XKR9: variants seen among roughly 807,000 people sequenced by gnomAD.
The protein encoded by XKR9 is XK-related protein 9.
A neutral mutation model predicts 32.0 loss-of-function variants in XKR9; 32 were observed. The ratio of observed to expected loss-of-function variants is 1.00; its 90% CI spans 0.76 to 1.34. The LOEUF is 1.34. Ranked by LOEUF, XKR9 falls within the 40% of genes most tolerant of loss-of-function variation. The pLI is 0.00. For synonymous variants in XKR9, 168 were observed against 143.4 expected, an observed-to-expected ratio of 1.17 and a Z score of -1.22; for missense variants, 546 against 429.7, an observed-to-expected ratio of 1.27 and a Z score of -2.39.
the XKR9 span, among the ~76,000 whole-genome samples, chr8:70,929,835 G>A: frequency 6.6e-6 from 1 of 152,136 alleles, no homozygotes; most frequent in Non-Finnish European, 1.5e-5. Flanking sequence ...GGCCCACCCA[G>A]TTAATCTCAA....
chr8:70,931,955 A>G, the XKR9 span, among the ~76,000 whole-genome samples: 1 of 152,162 alleles, frequency 6.6e-6, no homozygotes, highest in African/African-American at 2.4e-5. Flanking sequence ...TGGAGGAGAC[A>G]TACATCCTAA....
the XKR9 span, among the ~76,000 whole-genome samples, chr8:71,019,514 T>C: frequency 6.6e-6 from 1 of 152,210 alleles, no homozygotes; most frequent in Non-Finnish European, 1.5e-5. Context: ...TAGCTGCCTC[T>C]CTGTGCTGGG....
At chr8:71,064,488 T>C in the XKR9 span, among the ~76,000 whole-genome samples, 1 of 152,360 alleles carries the variant, frequency 6.6e-6, no homozygotes, top group Non-Finnish European at 1.5e-5. Flanking sequence ...AAAATATTGA[T>C]ACCACGTATG....
chr8:70,950,907 C>T, the XKR9 span, among the ~76,000 whole-genome samples: 2 of 152,106 alleles, frequency 1.3e-5, no homozygotes, highest in East Asian at 1.9e-4. Context: ...CTCCTGACCT[C>T]GAGTGATCTG....
the XKR9 span, among the ~76,000 whole-genome samples, chr8:70,901,912 C>T: frequency 5.3e-4 from 81 of 152,176 alleles, 1 homozygote; most frequent in Middle Eastern, 3.4e-3. Flanking sequence ...TTATTAAATA[C>T]GGAATCCTTT....
At chr8:70,972,771 A>C in the XKR9 span, among the ~76,000 whole-genome samples, 9 of 152,020 alleles carry the variant, frequency 5.9e-5, no homozygotes, top group Non-Finnish European at 1.3e-4. Flanking sequence ...ACATTTATTG[A>C]CTTATGAGTG....
chr8:71,024,227 AG>A, the XKR9 span, among the ~76,000 whole-genome samples: 7 of 152,318 alleles, frequency 4.6e-5, no homozygotes, highest in South Asian at 1.5e-3. Flanking sequence ...GAGCAGGGGC[AG>A]GGTTTCTGTC....
chr8:70,982,816 C>T, the XKR9 span, among the ~76,000 whole-genome samples: 21 of 152,294 alleles, frequency 1.4e-4, no homozygotes, highest in African/African-American at 4.8e-4. Flanking sequence ...CTAGTCCTGC[C>T]TCCTATCTGC....
the XKR9 span, among the ~76,000 whole-genome samples, chr8:70,885,672 C>T: frequency 6.6e-6 from 1 of 152,112 alleles, no homozygotes; most frequent in Non-Finnish European, 1.5e-5. Context: ...TCTCAGCTCA[C>T]TGCAAGCTCC....
At chr8:70,740,047 A>T (rs1806942638), downstream of XKR9, among the ~76,000 whole-genome samples, 1 of 152,136 alleles carries the variant, frequency 6.6e-6, no homozygotes, top group Non-Finnish European at 1.5e-5. Context: ...CTCCTGGATA[A>T]TATCCTGCAG....
the XKR9 span, among the ~76,000 whole-genome samples, chr8:71,004,895 T>C: frequency 0.43 from 64,534 of 151,706 alleles, 14,755 homozygotes; most frequent in Non-Finnish European, 0.52. Context: ...GCAGTGGTGA[T>C]GTGATTGATC....
chr8:70,874,863 C>A, the XKR9 span, among the ~76,000 whole-genome samples: 1 of 152,120 alleles, frequency 6.6e-6, no homozygotes, highest in Non-Finnish European at 1.5e-5. Context: ...GTTTTCCCAG[C>A]AATTGAAGTG....
At chr8:70,802,687 C>T in the XKR9 span, among the ~76,000 whole-genome samples, 1 of 152,284 alleles carries the variant, frequency 6.6e-6, no homozygotes, top group Middle Eastern at 3.4e-3. Context: ...AATAAAATTC[C>T]CTTAGCATTT....
the XKR9 span, among the ~76,000 whole-genome samples, chr8:71,007,605 A>C: frequency 6.6e-6 from 1 of 152,180 alleles, no homozygotes; most frequent in Non-Finnish European, 1.5e-5. Flanking sequence ...TCAAAGGTGA[A>C]AAAACTAAAC....
At chr8:70,693,769 G>T (rs1267349174) in intron 3 of XKR9, among the ~76,000 whole-genome samples, 1 of 152,190 alleles carries the variant, frequency 6.6e-6, no homozygotes, top group African/African-American at 2.4e-5. Context: ...GGGACTTGTG[G>T]GAAATTGGTT....
chr8:70,838,847 A>C, the XKR9 span, among the ~76,000 whole-genome samples: 2 of 151,972 alleles, frequency 1.3e-5, no homozygotes, highest in Non-Finnish European at 2.9e-5. Context: ...AGTAGAAAAA[A>C]CTAGTTAAGA....
chr8:70,890,593 G>C, the XKR9 span, among the ~76,000 whole-genome samples: 1 of 151,934 alleles, frequency 6.6e-6, no homozygotes, highest in Non-Finnish European at 1.5e-5. Context: ...TTGTTGATAG[G>C]AAGTACCATG....
chr8:70,775,436 G>T (rs1480007677), intron 2 of XKR9, among the ~76,000 whole-genome samples: 1 of 152,096 alleles, frequency 6.6e-6, no homozygotes, highest in Non-Finnish European at 1.5e-5. Context: ...TAAGCATGAT[G>T]TTAGCTGTAG....
At chr8:70,931,386 G>A in the XKR9 span, among the ~76,000 whole-genome samples, 3 of 152,170 alleles carry the variant, frequency 2.0e-5, no homozygotes, top group African/African-American at 7.2e-5. Flanking sequence ...CAGCCAGGTT[G>A]TGTGGTAGGA....
Sources: gnomAD v4.1 joint callset for allele counts (sites outside exome capture counted in the v4.1 genomes callset) on GRCh38, gnomAD v4.1.1 for gene constraint, MANE v1.5 for transcripts, NCBI Gene and HGNC (gene_info 2026-07-23, HGNC 2026-07-21) for gene names.